TBC1D1: variants seen among roughly 807,000 people sequenced by gnomAD.
The protein encoded by TBC1D1 is TBC1 (tre-2/USP6, BUB2, cdc16) domain family, member 1.
In TBC1D1, 89 loss-of-function variants were observed where a neutral mutation model predicts 125.6. The observed-to-expected ratio is 0.71, with a 90% CI of 0.60 to 0.85. TBC1D1 has a LOEUF of 0.85. Ranked by LOEUF, TBC1D1 falls within the 40% of genes least tolerant of loss-of-function variation. The probability of loss-of-function intolerance (pLI) is 0.00; values close to 1 mark genes in which losing one functional copy is unlikely to be tolerated. For synonymous variants in TBC1D1, 565 were observed against 564.1 expected, an observed-to-expected ratio of 1.00 and a Z score of -0.02; for missense variants, 1,377 against 1,469.2, an observed-to-expected ratio of 0.94 and a Z score of 1.03.
At chr4:37,962,555 G>T (rs979339179) in intron 2 of TBC1D1, among the ~76,000 whole-genome samples, 1 of 152,186 alleles carries the variant, frequency 6.6e-6, no homozygotes, top group Non-Finnish European at 1.5e-5. Context: ...TTTATGTATG[G>T]TTATTAGCAT....
chr4:37,911,131 CT>C (rs71658745), intron 2 of TBC1D1, among the ~76,000 whole-genome samples: 11,434 of 94,732 alleles, frequency 0.12, 333 homozygotes, highest in Non-Finnish European at 0.14. Context: ...TCCCCTCCTC[CT>C]TTTTTTTTTT....
intron 14 of TBC1D1, among the ~76,000 whole-genome samples, chr4:38,097,798 C>T (rs1759626910): frequency 1.3e-5 from 2 of 152,178 alleles, no homozygotes; most frequent in African/African-American, 4.8e-5. Context: ...TTTTTCATCT[C>T]TAGGAGCATA....
chr4:37,983,746 T>C (rs1375112251), intron 2 of TBC1D1, among the ~76,000 whole-genome samples: 2 of 152,206 alleles, frequency 1.3e-5, no homozygotes, highest in Non-Finnish European at 2.9e-5. Context: ...GAATCTATAT[T>C]GACATATGAT....
intron 2 of TBC1D1, among the ~76,000 whole-genome samples, chr4:37,910,444 C>A (rs1167669075): frequency 6.6e-6 from 1 of 152,108 alleles, no homozygotes; most frequent in South Asian, 2.1e-4. Flanking sequence ...ATAATGATTA[C>A]ATGTTGAAAT....
intron 2 of TBC1D1, among the ~76,000 whole-genome samples, chr4:37,985,019 C>G (rs1376555310): frequency 1.3e-5 from 2 of 151,786 alleles, no homozygotes; most frequent in Non-Finnish European, 2.9e-5. Flanking sequence ...GTGGCGTGAT[C>G]TCGGCTCACT....
chr4:38,113,128 G>T (rs183863014), intron 15 of TBC1D1, among the ~76,000 whole-genome samples: 17 of 152,304 alleles, frequency 1.1e-4, no homozygotes, highest in Non-Finnish European at 2.1e-4. Context: ...TACATAATTT[G>T]CAGGGCCTAT....
chr4:37,895,093 G>A (rs1332423985), intron 1 of TBC1D1, among the ~76,000 whole-genome samples: 1 of 152,186 alleles, frequency 6.6e-6, no homozygotes, highest in Non-Finnish European at 1.5e-5. Flanking sequence ...GGAGCCAAAG[G>A]GCCTGGGTTC....
At chr4:38,053,415 A>T (rs949357185) in intron 11 of TBC1D1, among the ~76,000 whole-genome samples, 190 bp downstream of exon 13, 1 of 152,152 alleles carries the variant, frequency 6.6e-6, no homozygotes, top group African/African-American at 2.4e-5. Context: ...CCTGTTCTCT[A>T]GTTTTGACGA....
chr4:38,063,738 C>A (rs1753182330), intron 12 of TBC1D1, among the ~76,000 whole-genome samples: 1 of 151,972 alleles, frequency 6.6e-6, no homozygotes, highest in Non-Finnish European at 1.5e-5. Context: ...AAGTGATTCT[C>A]ATGCCTCAGC....
intron 12 of TBC1D1, among the ~76,000 whole-genome samples, chr4:38,087,000 T>C (rs561807240): frequency 6.6e-6 from 1 of 152,140 alleles, no homozygotes; most frequent in Non-Finnish European, 1.5e-5. Context: ...CTTGGCCAAG[T>C]TATAAAACCT....
chr4:37,944,546 T>C (rs925910131), intron 2 of TBC1D1, among the ~76,000 whole-genome samples: 1 of 152,318 alleles, frequency 6.6e-6, no homozygotes, highest in Admixed American at 6.5e-5. Flanking sequence ...AGGCTTTCCT[T>C]TCCCAGCCTC....
intron 6 of TBC1D1, among the ~76,000 whole-genome samples, chr4:38,024,499 T>G (rs1379954793): frequency 6.6e-6 from 1 of 152,224 alleles, no homozygotes; most frequent in Non-Finnish European, 1.5e-5. Flanking sequence ...GTTTTGGAAT[T>G]AATCATTTGA....
intron 2 of TBC1D1, among the ~76,000 whole-genome samples, chr4:37,970,140 C>A (rs1260077117): frequency 7.2e-5 from 11 of 152,142 alleles, no homozygotes; most frequent in Non-Finnish European, 1.6e-4. Flanking sequence ...TCTTGTTGAT[C>A]CATTCATCAG....
intron 2 of TBC1D1, among the ~76,000 whole-genome samples, chr4:38,001,042 A>C (rs982456545): frequency 6.6e-6 from 1 of 152,000 alleles, no homozygotes; most frequent in Non-Finnish European, 1.5e-5. Flanking sequence ...AACACGGTGA[A>C]ACTCCGTCTC....
At chr4:38,090,209 CA>C (rs1174051995) in intron 13 of TBC1D1, 92 bp downstream of exon 15, 2 of 1,247,236 alleles carry the variant, frequency 1.6e-6, no homozygotes, top group Non-Finnish European at 2.3e-6. Context: ...CTTAAAAATA[CA>C]GCAGCACGAT....
chr4:38,119,771 C>T (rs949272428), intron 17 of TBC1D1, among the ~76,000 whole-genome samples: 6 of 152,118 alleles, frequency 3.9e-5, no homozygotes, highest in Admixed American at 1.3e-4. Flanking sequence ...GAGGAGGGAG[C>T]GCTGTTTGTT....
chr4:38,104,205 G>A (rs1002935906), intron 15 of TBC1D1, among the ~76,000 whole-genome samples: 3 of 150,192 alleles, frequency 2.0e-5, no homozygotes, highest in African/African-American at 7.3e-5. Flanking sequence ...GATGTGTGTA[G>A]GTTATGTGCA....
intron 2 of TBC1D1, among the ~76,000 whole-genome samples, chr4:37,924,513 G>A (rs1721667168): frequency 6.6e-6 from 1 of 152,050 alleles, no homozygotes; most frequent in African/African-American, 2.4e-5. Flanking sequence ...AAACTCTGTA[G>A]CCATTAAAAA....
chr4:37,909,544 C>T (rs1287993615), intron 2 of TBC1D1, among the ~76,000 whole-genome samples: 3 of 152,132 alleles, frequency 2.0e-5, no homozygotes, highest in East Asian at 1.9e-4. Context: ...TTTCTTTCTT[C>T]GCTAGAGTGA....
Sources: allele counts gnomAD v4.1 joint callset (sites outside exome capture counted in the v4.1 genomes callset), GRCh38; gene constraint gnomAD v4.1.1; transcripts MANE v1.5; gene names NCBI Gene and HGNC (gene_info 2026-07-23, HGNC 2026-07-21).